Variants in UNC13D observed in about 807,000 individuals in gnomAD.
UNC13D encodes the protein protein unc-13 homolog D.
UNC13D carries 115 observed loss-of-function variants against 151.7 expected under a neutral mutation model. The observed-to-expected ratio is 0.76, with a 90% CI of 0.65 to 0.88. The LOEUF (loss-of-function observed/expected upper bound fraction) is 0.88. Among genes scored for constraint, UNC13D ranks in the 40% least tolerant of loss-of-function variants. The probability of loss-of-function intolerance (pLI) is 0.00; values close to 1 mark genes in which losing one functional copy is unlikely to be tolerated. For synonymous variants in UNC13D, 588 were observed against 612.2 expected (o/e 0.96, Z 0.58); for missense variants, 1,369 against 1,438.7 (o/e 0.95, Z 0.78).
At chr17:75,834,002 C>T in intron 24 of UNC13D, 73 bp downstream of exon 24, 4 of 1,583,040 alleles carry the variant, frequency 2.5e-6, no homozygotes, top group Non-Finnish European at 3.5e-6. Flanking sequence ...TCTTTGACAC[C>T]AAGGCCTTCA....
At chr17:75,830,303 C>A in intron 29 of UNC13D, 59 bp downstream of exon 29, 1 of 1,577,858 alleles carries the variant, frequency 6.3e-7, no homozygotes, top group Admixed American at 1.8e-5. Flanking sequence ...CCCAGGGTCG[C>A]TGAGACAGGA....
rs368208236 is a variant in UNC13D, at chr17:75,836,682, G to A, written c.1188C>T (p.Ala396=). The A allele has an allele frequency of 2.0e-5, 32 of 1,613,522 alleles. No homozygotes were observed. The highest frequency in any genetic ancestry group is 2.2e-5 in the East Asian group (1 of 44,906). ...AGGTCAGCAGGGAGCTGAATGAGGC[G>A]GCCAGCTCCTCCTGCTGAAGAGCCA... ...RLKAEQQEEL[A]ASFSSLLTYG... is the part of the protein sequence containing the mutation. The change falls in exon 14 of 32, where the codon GCC becomes GCT. Residue 396 remains alanine, a synonymous_variant. Coordinates refer to ENST00000207549, the MANE Select transcript of UNC13D (RefSeq NM_199242.3).
chr17:75,835,959 G>T, intron 17 of UNC13D, 53 bp from the exon 18 acceptor site: 1 of 1,614,172 alleles, frequency 6.2e-7, no homozygotes, highest in East Asian at 2.2e-5. Context: ...GGTCCCCATG[G>T]TTCCGGCTCT....
intron 12 of UNC13D, among the ~76,000 whole-genome samples, chr17:75,837,369 AT>A (rs1192686633): frequency 1.3e-5 from 2 of 150,702 alleles, no homozygotes; most frequent in East Asian, 2.0e-4. Flanking sequence ...ACCAGCCAGG[AT>A]TTTTTTTCTT....
chr17:75,827,569 T>A lies in UNC13D; in HGVS notation c.*396A>T. ...GGAGACTCTGTGCCTGTAGCCCTGGTCCCAGTGAACCTGGCCCCCACCCCA... is the reference window on the plus strand; with the variant it reads ...GGAGACTCTGTGCCTGTAGCCCTGGACCCAGTGAACCTGGCCCCCACCCCA... On this transcript the variant is annotated 3_prime_UTR_variant, in exon 32 of 32. Transcript: ENST00000207549. 1 of 1,535,054 alleles carries A rather than the reference T, an allele frequency of 6.5e-7. No homozygotes were observed. Among genetic ancestry groups the A allele is most frequent in the Non-Finnish European group, 8.7e-7 (1 of 1,146,590 alleles).
intron 11 of UNC13D, 24 bp from the exon 12 acceptor site, chr17:75,839,966 G>T: frequency 2.5e-6 from 4 of 1,613,594 alleles, no homozygotes; most frequent in Non-Finnish European, 3.4e-6. Context: ...GTGGAGGAGT[G>T]TCAGGACCTG....
Position 75,835,840 on chromosome 17 carries a change from G to T in UNC13D, c.1596+15C>A. On this transcript the variant is annotated intron_variant, in intron 18 of 31. Coordinates refer to ENST00000207549, the MANE Select transcript of UNC13D (RefSeq NM_199242.3). The stretch of plus-strand genomic sequence containing the variant: ...CTGTTGGAGGGCATGCCCTAGAGAC[G>T]GGGGAGGGACTCACCAGCCACTGCA... 1 of 1,614,042 alleles carries T rather than the reference G, an allele frequency of 6.2e-7. No individual in the cohort carries two copies. Among genetic ancestry groups the T allele is most frequent in the Non-Finnish European group, 8.5e-7 (1 of 1,180,018 alleles).
Position 75,840,406 on chromosome 17 carries a change from C to A in UNC13D, c.754-77G>T. The stretch of plus-strand genomic sequence containing the variant: ...GGCAGCGGAGGCGACAGGAGGTGGA[C>A]CCCAGGCTCAGCTTTGTGAGGACAC... On this transcript the variant is annotated intron_variant, in intron 9 of 31. Coordinates refer to ENST00000207549, the MANE Select transcript of UNC13D (RefSeq NM_199242.3). The surrounding 1 kb of genome is among the most constrained non-coding windows in gnomAD (Gnocchi z 4.6). The A allele has an allele frequency of 6.2e-7, 1 of 1,606,644 alleles. No homozygotes were observed. The highest frequency in any genetic ancestry group is 1.1e-5 in the South Asian group (1 of 90,878).
chr17:75,831,477 T>A, intron 25 of UNC13D, 129 bp from the exon 26 acceptor site: 1 of 802,486 alleles, frequency 1.2e-6, no homozygotes, highest in Non-Finnish European at 2.0e-6. Flanking sequence ...ACCCCCAACC[T>A]CCCCCTCCGC....
At position 75,834,545 on chromosome 17, in the gene UNC13D, G is replaced by A; in HGVS notation, c.2092-14C>T. ...CACCACACACAGCTGGGACAGAGAT[G>A]CAGAGCTTCCTGAACTGTGCCCAGG... is the stretch of plus-strand genomic sequence containing the variant. On this transcript the variant is annotated splice_polypyrimidine_tract_variant and intron_variant, in intron 22 of 31. Coordinates refer to ENST00000207549, the MANE Select transcript of UNC13D (RefSeq NM_199242.3). 1 of 1,603,664 alleles carries A rather than the reference G, an allele frequency of 6.2e-7. No homozygotes were observed. The highest frequency in any genetic ancestry group is 1.1e-5 in the South Asian group (1 of 89,898).
chr17:75,831,257 T>G lies in UNC13D; in HGVS notation c.2539A>C (p.Lys847Gln). 1 of 1,614,098 alleles carries G rather than the reference T, an allele frequency of 6.2e-7. No individual in the cohort carries two copies. ...RSSSLASNRL[K>Q]IALQNLEICF... ...GGTTCTGTTACCTGCAGGGCAATCT[T>G]CAGCCTGTTGGAAGCCAGGGATGAG... The change falls in exon 26 of 32, where the codon AAG becomes CAG. Residue 847 changes from lysine (K) to glutamine (Q), a missense_variant. Lys to Gln is a moderately conservative substitution (Grantham distance 53, BLOSUM62 1). Around this residue, in one of 3 missense-constraint regions of UNC13D, gnomAD observed 807 missense variants for 795.5 expected, o/e 1.01. Transcript: ENST00000207549.
At chr17:75,841,103 C>T in intron 6 of UNC13D, 102 bp from the exon 7 acceptor site, 1 of 1,276,798 alleles carries the variant, frequency 7.8e-7, no homozygotes, top group Non-Finnish European at 1.1e-6. Context: ...GTAGCCTATC[C>T]CTGCCAAACT....
Position 75,834,687 on chromosome 17 carries a change from G to A in UNC13D, c.2022C>T (p.Cys674=), listed in dbSNP as rs781664393. 1.9e-6 allele frequency: 3 copies of A among 1,613,676 alleles called. No individual in the cohort carries two copies. The highest frequency in any genetic ancestry group is 1.7e-5 in the Admixed American group (1 of 60,002). ...CGCGGGCCCGGGCCTTTATAAGGCT[G>A]CAGTACACCAGGGCCAGGCGACAGG... The part of the protein sequence containing the change: ...EDTCRLALVY[C]SLIKARAREL... Residue 674 remains cysteine (C), a synonymous_variant, in exon 22 of 32, where the codon TGC becomes TGT. Coordinates refer to ENST00000207549, the MANE Select transcript of UNC13D (RefSeq NM_199242.3).
intron 27 of UNC13D, 91 bp from the exon 28 acceptor site, chr17:75,830,752 A>G: frequency 3.5e-6 from 5 of 1,442,642 alleles, no homozygotes; most frequent in Admixed American, 3.9e-5. Context: ...CAAGGGTAAC[A>G]TGTCCGTTTG....
intron 20 of UNC13D, 146 bp from the exon 21 acceptor site, chr17:75,835,209 G>T: frequency 6.9e-7 from 1 of 1,454,444 alleles, no homozygotes; most frequent in Non-Finnish European, 9.3e-7. Context: ...AGACCCCCAG[G>T]CTGCAGGATC....
At chr17:75,828,161 G>C (rs534520865) in intron 31 of UNC13D, 75 bp from the exon 32 acceptor site, 17 of 1,519,972 alleles carry the variant, frequency 1.1e-5, no homozygotes, top group Non-Finnish European at 1.5e-5. Context: ...AAGAGTGTGT[G>C]GGGGGGTACA....
chr17:75,840,001 C>T lies in UNC13D; in HGVS notation c.951+17G>A, dbSNP rs1233460229. 1 of 1,613,464 alleles carries T rather than the reference C, an allele frequency of 6.2e-7. No individual in the cohort carries two copies. Among genetic ancestry groups the T allele is most frequent in the South Asian group, 1.1e-5 (1 of 91,066 alleles). On this transcript the variant is annotated intron_variant, in intron 11 of 31. Coordinates refer to ENST00000207549, the MANE Select transcript of UNC13D (RefSeq NM_199242.3). The surrounding 1 kb of genome is among the most constrained non-coding windows in gnomAD (Gnocchi z 4.6). The stretch of plus-strand genomic sequence containing the variant: ...GAAGGGCAGCCCCGGCTGCGCCCAG[C>T]CCCAGGAGGGCAATACCTCGTGCTG...
intron 25 of UNC13D, chr17:75,831,640 G>C (rs1292671815): frequency 4.1e-6 from 2 of 483,112 alleles, no homozygotes; most frequent in Non-Finnish European, 7.5e-6. Context: ...ACAGGGAGGA[G>C]GCCAGGCCCC....
At position 75,832,899 on chromosome 17, in the gene UNC13D, GGAA is replaced by G; in HGVS notation, c.2447+64_2447+66del. ...CCCTCAGAACGGATGCTGGGGCCCAGGAAGGAGGGGCCGTGGGAGGAGAGGGGG... is the reference window on the plus strand; with the variant it reads ...CCCTCAGAACGGATGCTGGGGCCCAGGGAGGGGCCGTGGGAGGAGAGGGGG... On this transcript the variant is annotated intron_variant, in intron 25 of 31. Transcript: ENST00000207549. The surrounding 1 kb of genome is among the most constrained non-coding windows in gnomAD (Gnocchi z 4.3). 1 of 1,493,296 alleles carries G rather than the reference GGAA, an allele frequency of 6.7e-7. No homozygotes were observed. The highest frequency in any genetic ancestry group is 9.1e-7 in the Non-Finnish European group (1 of 1,096,522). 92.5% of individuals were successfully genotyped at this position (1,493,296 alleles called of 1,614,324 possible). A position where few individuals can be genotyped will look rare whatever the true frequency, so the allele number is the denominator to read the frequency against.
Sources: gnomAD v4.1 joint callset for allele counts (sites outside exome capture counted in the v4.1 genomes callset) on GRCh38, gnomAD v4.1.1 for gene constraint, gnomAD v4.1.1 regional missense constraint, Gnocchi (gnomAD v3.1) non-coding constraint, MANE v1.5 for transcripts, NCBI Gene and HGNC (gene_info 2026-07-23, HGNC 2026-07-21) for gene names.